HEPHL1: variants seen among roughly 807,000 people sequenced by gnomAD.
HEPHL1 encodes hephaestin like 1.
HEPHL1 carries 123 observed loss-of-function variants against 122.0 expected under a neutral mutation model. The observed-to-expected ratio is 1.01, with a 90% CI of 0.87 to 1.17. HEPHL1 has a LOEUF of 1.17. Ranked by LOEUF, HEPHL1 falls within the 50% of genes most tolerant of loss-of-function variation. The probability of loss-of-function intolerance (pLI) is 0.00; values close to 1 mark genes in which losing one functional copy is unlikely to be tolerated. For synonymous variants in HEPHL1, 527 were observed against 508.9 expected, an observed-to-expected ratio of 1.04 and a Z score of -0.48; for missense variants, 1,452 against 1,430.5, an observed-to-expected ratio of 1.01 and a Z score of -0.24.
At chr11:94,059,568 T>A (rs1945966742) in intron 2 of HEPHL1, among the ~76,000 whole-genome samples, 1 of 152,176 alleles carries the variant, frequency 6.6e-6, no homozygotes, top group African/African-American at 2.4e-5. Context: ...CTAGAACATA[T>A]ATAAGCAAAT....
rs767129875 is a variant in HEPHL1 at position 94,111,061 on chromosome 11, CAT to C, written c.3206_3207del (p.Ile1069ArgfsTer23). 4.4e-6 allele frequency: 7 copies of C among 1,582,984 alleles called. No individual in the cohort carries two copies. The Admixed American group carries it at 9.0e-5, about 20-fold the overall frequency. On this transcript the variant is annotated frameshift_variant and splice_region_variant, in exon 18 of 20. Transcript: ENST00000315765. LOFTEE classifies it high-confidence loss of function. ...METTYTVLRN[I>X]DNRIPYSTTS... The stretch of plus-strand genomic sequence containing the variant: ...AGACAACCTACACGGTCCTTCGTAA[CAT>C]AGGTACGGTTGTCTGTCAGTGATGC...
intron 1 of HEPHL1, among the ~76,000 whole-genome samples, chr11:94,045,404 G>A (rs1323518486): frequency 6.6e-6 from 1 of 152,204 alleles, no homozygotes; most frequent in African/African-American, 2.4e-5. Context: ...GTGGAAAGGG[G>A]CAAATTTGTA....
rs148054118 is a variant in HEPHL1, at chr11:94,047,169, T to C, written c.415+1252T>C. Among the ~76,000 whole-genome samples, 29 of 152,340 alleles carry C rather than the reference T, an allele frequency of 1.9e-4. No individual in the cohort carries two copies. The East Asian group carries it at 3.8e-3, about 20-fold the overall frequency. ...CACAAAAATTGTGCCAGGTAAACTT[T>C]AAGGTGTAACTATGAATGCATTTTC... On this transcript the variant is annotated intron_variant, in intron 2 of 19. Coordinates refer to ENST00000315765, the MANE Select transcript of HEPHL1 (RefSeq NM_001098672.2).
intron 1 of HEPHL1, among the ~76,000 whole-genome samples, chr11:94,024,710 A>T (rs1318083580): frequency 6.6e-6 from 1 of 152,016 alleles, no homozygotes; most frequent in African/African-American, 2.4e-5. Flanking sequence ...TTTATCATGA[A>T]CTTGGACACT....
chr11:94,069,229 A>G (rs2134431291), intron 5 of HEPHL1, among the ~76,000 whole-genome samples: 1 of 152,310 alleles, frequency 6.6e-6, no homozygotes, highest in South Asian at 2.1e-4. Context: ...GTATTTCTAA[A>G]TTGTCCATGC....
chr11:94,023,914 C>T (rs1003019285), intron 1 of HEPHL1, among the ~76,000 whole-genome samples: 1 of 152,132 alleles, frequency 6.6e-6, no homozygotes, highest in African/African-American at 2.4e-5. Context: ...GTAGGGCTGT[C>T]GTAGGTGGCT....
intron 17 of HEPHL1, among the ~76,000 whole-genome samples, chr11:94,108,416 A>AAGT (rs1376364264): frequency 3.9e-5 from 6 of 152,092 alleles, no homozygotes; most frequent in African/African-American, 1.4e-4. Flanking sequence ...AAGTAAAATG[A>AAGT]AGTACAATTT....
At chr11:94,100,280 T>C (rs10765653) in intron 13 of HEPHL1, among the ~76,000 whole-genome samples, 68,901 of 152,148 alleles carry the variant, frequency 0.45, 17,582 homozygotes, top group Admixed American at 0.57. Context: ...AGCAAGGAAT[T>C]GATATGTGTG....
chr11:94,075,321 G>T lies in HEPHL1; in HGVS notation c.1652G>T (p.Ser551Ile). The T allele has an allele frequency of 3.1e-6, 5 of 1,613,522 alleles. No homozygotes were observed. Among genetic ancestry groups the T allele is most frequent in the Non-Finnish European group, 4.2e-6 (5 of 1,179,646 alleles). The change falls in exon 9 of 20, where the codon AGC becomes ATC. Residue 551 changes from serine (S) to isoleucine (I), a missense_variant. By Grantham distance (142) the Ser-to-Ile change is moderately radical (BLOSUM62 -2). Coordinates refer to ENST00000315765, the MANE Select transcript of HEPHL1 (RefSeq NM_001098672.2). ...GCAGTTGATCCAATTAAGGACACCA[G>T]CTCTGGCCTGGTAGGGCCTTTGCTA... ...FSAVDPIKDT[S>I]SGLVGPLLVC...
intron 1 of HEPHL1, among the ~76,000 whole-genome samples, chr11:94,039,207 CCAGATT>C (rs1280505236): frequency 7.8e-6 from 1 of 128,422 alleles, no homozygotes; most frequent in Non-Finnish European, 1.7e-5. Context: ...ACAGGAGCAC[CCAGATT>C]CATAAAGCAA....
intron 2 of HEPHL1, chr11:94,055,385 G>A (rs768607141): frequency 3.2e-5 from 7 of 218,892 alleles, no homozygotes; most frequent in South Asian, 1.3e-4. Context: ...CTGCAAGGTC[G>A]TTGCTAACCT....
At chr11:94,060,833 C>A (rs1462996505) in intron 2 of HEPHL1, among the ~76,000 whole-genome samples, 1 of 152,096 alleles carries the variant, frequency 6.6e-6, no homozygotes, top group Admixed American at 6.6e-5. Flanking sequence ...AAACAGGGAA[C>A]AATAGAATTA....
intron 9 of HEPHL1, among the ~76,000 whole-genome samples, chr11:94,081,134 G>A (rs1261225316): frequency 6.6e-6 from 1 of 152,198 alleles, no homozygotes; most frequent in Non-Finnish European, 1.5e-5. Flanking sequence ...ATGAGATCAT[G>A]TCCTTTGCAG....
chr11:94,029,521 G>T (rs1945655010), intron 1 of HEPHL1, among the ~76,000 whole-genome samples: 1 of 152,184 alleles, frequency 6.6e-6, no homozygotes. Context: ...GGTGATCTTA[G>T]GAAAAAATAC....
chr11:94,061,297 G>T (rs1258755889), intron 2 of HEPHL1, among the ~76,000 whole-genome samples: 2 of 152,122 alleles, frequency 1.3e-5, no homozygotes, highest in East Asian at 1.9e-4. Flanking sequence ...AAACATGGGG[G>T]TCACTGGTGT....
At chr11:94,079,876 A>G (rs906507355) in intron 9 of HEPHL1, among the ~76,000 whole-genome samples, 2 of 152,156 alleles carry the variant, frequency 1.3e-5, no homozygotes, top group African/African-American at 4.8e-5. Flanking sequence ...GGAGCATGTT[A>G]GAGACAGGAA....
At chr11:94,084,045 C>T (rs1447989613) in intron 10 of HEPHL1, among the ~76,000 whole-genome samples, 2 of 152,102 alleles carry the variant, frequency 1.3e-5, no homozygotes, top group Non-Finnish European at 1.5e-5. Context: ...AATATATAGT[C>T]CAGGCACTGT....
chr11:94,068,603 C>A (rs1317031865), intron 5 of HEPHL1, among the ~76,000 whole-genome samples: 2 of 152,122 alleles, frequency 1.3e-5, no homozygotes, highest in African/African-American at 4.8e-5. Flanking sequence ...GGCCCCTTAG[C>A]AAAGCTAAGG....
At chr11:94,066,292 C>G (rs180789354) in intron 4 of HEPHL1, among the ~76,000 whole-genome samples, 1 of 151,760 alleles carries the variant, frequency 6.6e-6, no homozygotes, top group East Asian at 2.0e-4. Context: ...TTGTGGCACA[C>G]GCCTGTAATC....
Sources: allele counts gnomAD v4.1 joint callset (sites outside exome capture counted in the v4.1 genomes callset), GRCh38; gene constraint gnomAD v4.1.1; transcripts MANE v1.5; gene names NCBI Gene and HGNC (gene_info 2026-07-23, HGNC 2026-07-21).